SLC13A4: variants seen among roughly 807,000 people sequenced by gnomAD.
SLC13A4 encodes solute carrier family 13 member 4, also known as Na(+)/sulfate cotransporter SUT-1.
In SLC13A4, 28 loss-of-function variants were observed where a neutral mutation model predicts 72.7. The ratio of observed to expected loss-of-function variants is 0.39; its 90% CI spans 0.29 to 0.53. The LOEUF is 0.53. SLC13A4 is among the 20% of genes least tolerant of loss of function. The probability of loss-of-function intolerance (pLI) is 0.78; values close to 1 mark genes in which losing one functional copy is unlikely to be tolerated. For missense variants in SLC13A4, 653 were observed against 788.0 expected (o/e 0.83, Z 2.05); for synonymous variants, 312 against 325.5 (o/e 0.96, Z 0.45).
At chr7:135,716,536 C>A (rs1307016602) in intron 2 of SLC13A4, among the ~76,000 whole-genome samples, 1 of 152,212 alleles carries the variant, frequency 6.6e-6, no homozygotes, top group South Asian at 2.1e-4. Context: ...TGGTCTCAAA[C>A]CCCTGACCTC....
At chr7:135,708,014 G>A in intron 3 of SLC13A4, 100 bp downstream of exon 3, 1 of 1,450,518 alleles carries the variant, frequency 6.9e-7, no homozygotes. Context: ...TAAAAAAACA[G>A]CTGAAGTGGA....
intron 5 of SLC13A4, chr7:135,705,359 T>C (rs1341644478): frequency 6.6e-6 from 3 of 455,854 alleles, no homozygotes; most frequent in Non-Finnish European, 7.9e-6. Flanking sequence ...GCCTTTTTAT[T>C]TCTTCCTCAT....
chr7:135,683,870 G>C (rs977587748), intron 15 of SLC13A4: 11 of 826,928 alleles, frequency 1.3e-5, no homozygotes, highest in Non-Finnish European at 1.6e-5. Context: ...GCCACAGCCT[G>C]TCTGTTCCAG....
rs772702466 is a variant in SLC13A4, at chr7:135,702,876, T to C, written c.602A>G (p.Asn201Ser). 6.2e-6 allele frequency: 10 copies of C among 1,613,558 alleles called. No homozygotes were observed. In the Admixed American group the frequency reaches 6.7e-5, roughly 11 times the overall value. Residue 201 changes from asparagine to serine, a missense_variant, in exon 6 of 16, where the codon AAC becomes AGC. Asn to Ser is a conservative substitution (Grantham distance 46). Transcript: ENST00000682651. ...ELIFVNEDRS[N>S]ADLTTLMHNE... ...GTGCATCAGAGTGGTGAGGTCTGCG[T>C]TGGACCTGCTGGAACCAAGCAGAGG...
intron 3 of SLC13A4, chr7:135,707,883 G>T: frequency 2.1e-6 from 1 of 476,006 alleles, no homozygotes; most frequent in Non-Finnish European, 3.7e-6. Flanking sequence ...TTGCAGCCTA[G>T]GTCAATGGGT....
At position 135,694,254 on chromosome 7, in the gene SLC13A4, G is replaced by T. The variant is rs775304853; in HGVS notation, c.1020-16C>A. The T allele has an allele frequency of 6.8e-7, 1 of 1,477,792 alleles. No homozygotes were observed. The highest frequency in any genetic ancestry group is 1.1e-5 in the South Asian group (1 of 87,292). The allele number at this position is 1,477,792 out of a possible 1,614,324, so 91.5% of individuals were successfully genotyped here. ...CTCTTTAAAACTGAGAAGGGAGAAT[G>T]AGCAAATGATTAAAGAAAACACACT... On this transcript the variant is annotated splice_polypyrimidine_tract_variant and intron_variant, in intron 9 of 15. Coordinates refer to ENST00000682651, the MANE Select transcript of SLC13A4 (RefSeq NM_001318192.2).
At chr7:135,715,385 GTA>G (rs58069765) in intron 2 of SLC13A4, among the ~76,000 whole-genome samples, 50 of 148,050 alleles carry the variant, frequency 3.4e-4, no homozygotes, top group African/African-American at 1.1e-3. Flanking sequence ...GTGTGAGTGT[GTA>G]TGTGTGAACA....
intron 2 of SLC13A4, among the ~76,000 whole-genome samples, chr7:135,715,349 G>T (rs763417719): frequency 6.8e-6 from 1 of 147,890 alleles, no homozygotes; most frequent in African/African-American, 2.5e-5. Context: ...ATATGTGAGC[G>T]TGTGTATGAG....
chr7:135,708,974 G>C (rs1277383174), intron 2 of SLC13A4, among the ~76,000 whole-genome samples: 1 of 136,786 alleles, frequency 7.3e-6, no homozygotes, highest in African/African-American at 2.8e-5. Flanking sequence ...CTGTCGCCCA[G>C]GCTGGAGTGC....
intron 2 of SLC13A4, among the ~76,000 whole-genome samples, chr7:135,719,275 A>G (rs1458380811): frequency 6.6e-6 from 1 of 152,206 alleles, no homozygotes; most frequent in Non-Finnish European, 1.5e-5. Flanking sequence ...CAACATCTCT[A>G]CTGTGCCCTT....
At chr7:135,685,841 G>A (rs62479529) in intron 13 of SLC13A4, among the ~76,000 whole-genome samples, 158 bp from the exon 14 acceptor site, 5,347 of 152,328 alleles carry the variant, frequency 0.035, 111 homozygotes, top group Middle Eastern at 0.088. Flanking sequence ...GATTTTTATG[G>A]TTCGATCATT....
At chr7:135,718,212 A>C (rs1307086954) in intron 2 of SLC13A4, among the ~76,000 whole-genome samples, 5 of 152,034 alleles carry the variant, frequency 3.3e-5, no homozygotes, top group Non-Finnish European at 7.4e-5. Flanking sequence ...GAGAGATGAC[A>C]TTTTGTTTAT....
rs1796093194 is a variant in SLC13A4, at chr7:135,703,694, G to A, written c.594-810C>T. On this transcript the variant is annotated intron_variant, in intron 5 of 15. Coordinates refer to ENST00000682651, the MANE Select transcript of SLC13A4 (RefSeq NM_001318192.2). The stretch of plus-strand genomic sequence containing the variant: ...TGTCTTAGTTGCGAGGACAGTGGGA[G>A]CCACCAGCTCAGCCACTGTGAAGAC... 1.3e-5 allele frequency: 2 copies of A among 152,270 alleles called. 1 individual carries two copies. The highest frequency in any genetic ancestry group is 4.1e-4 in the South Asian group (2 of 4,828). The allele number at this position is 152,270 out of a possible 1,614,324, so 9.4% of individuals were successfully genotyped here.
intron 2 of SLC13A4, among the ~76,000 whole-genome samples, chr7:135,711,583 C>T (rs1796301105): frequency 6.6e-6 from 1 of 152,122 alleles, no homozygotes; most frequent in South Asian, 2.1e-4. Flanking sequence ...TCTCCCAGGT[C>T]ACAGTGTAAG....
chr7:135,719,918 C>T lies in SLC13A4; in HGVS notation c.228+1477G>A, dbSNP rs536277877. ...GAGAGAGAGAGGAGAGAGAGAGAGA[C>T]GGGCCCAGGGGGAGAGAGACAGGGG... On this transcript the variant is annotated intron_variant, in intron 2 of 15. Coordinates refer to ENST00000682651, the MANE Select transcript of SLC13A4 (RefSeq NM_001318192.2). 9.3e-5 allele frequency among the ~76,000 whole-genome samples: 10 copies of T among 108,068 alleles called. 1 individual carries two copies. Among genetic ancestry groups the T allele is most frequent in the Admixed American group, 2.5e-4 (2 of 7,988 alleles). 70.9% of individuals were successfully genotyped at this position (108,068 alleles called of 152,430 possible). A position where few individuals can be genotyped will look rare whatever the true frequency, so the allele number is the denominator to read the frequency against.
chr7:135,718,070 TACAC>T (rs148088162), intron 2 of SLC13A4, among the ~76,000 whole-genome samples: 18 of 102,492 alleles, frequency 1.8e-4, no homozygotes, highest in Middle Eastern at 4.1e-3. Flanking sequence ...AGCCAATTCC[TACAC>T]ACACACACAC....
At chr7:135,689,181 C>A (rs1795715995) in intron 13 of SLC13A4, among the ~76,000 whole-genome samples, 1 of 151,834 alleles carries the variant, frequency 6.6e-6, no homozygotes, top group Non-Finnish European at 1.5e-5. Flanking sequence ...CTGTGCCCAG[C>A]CCAATTTTGG....
chr7:135,700,593 A>C (rs555398877), intron 7 of SLC13A4, among the ~76,000 whole-genome samples: 1 of 152,322 alleles, frequency 6.6e-6, no homozygotes, highest in South Asian at 2.1e-4. Context: ...GTTTTCCACA[A>C]TCCTTTCTTC....
chr7:135,709,034 A>G (rs1267033240), intron 2 of SLC13A4, among the ~76,000 whole-genome samples: 1 of 142,472 alleles, frequency 7.0e-6, no homozygotes, highest in East Asian at 2.1e-4. Context: ...GGTTCACGCC[A>G]TTCTCCTGCC....
Sources: allele counts gnomAD v4.1 joint callset (sites outside exome capture counted in the v4.1 genomes callset), GRCh38; gene constraint gnomAD v4.1.1; transcripts MANE v1.5; gene names NCBI Gene and HGNC (gene_info 2026-07-23, HGNC 2026-07-21).